The following PLCL1 variants were observed in gnomAD, a reference collection of about 807,000 sequenced individuals.
PLCL1 encodes the protein inactive phospholipase C-like protein 1.
Under a neutral mutation model 84.4 loss-of-function variants are expected in PLCL1, and 41 were observed. That is an observed-to-expected ratio of 0.49 (90% confidence interval 0.38 to 0.63). The LOEUF is 0.63. Ranked by LOEUF, PLCL1 falls within the 30% of genes least tolerant of loss-of-function variation. PLCL1 has a pLI of 0.00. For synonymous variants in PLCL1, 490 were observed against 488.3 expected (o/e 1.00, Z -0.05); for missense variants, 1,206 against 1,367.8 (o/e 0.88, Z 1.87).
intron 1 of PLCL1, among the ~76,000 whole-genome samples, chr2:198,036,808 G>A (rs1312276453): frequency 6.7e-6 from 1 of 148,178 alleles, no homozygotes; most frequent in Non-Finnish European, 1.5e-5. Context: ...ATACTTAACA[G>A]CAAGCAAAGT....
chr2:198,136,542 G>A (rs147013222), intron 5 of PLCL1, among the ~76,000 whole-genome samples: 112 of 151,920 alleles, frequency 7.4e-4, no homozygotes, highest in African/African-American at 2.5e-3. Context: ...AGAGAAATGA[G>A]GAATCCTTAG....
At chr2:198,050,388 G>A (rs1439717614) in intron 1 of PLCL1, among the ~76,000 whole-genome samples, 3 of 151,912 alleles carry the variant, frequency 2.0e-5, no homozygotes, top group African/African-American at 7.3e-5. Context: ...TCCCTCTTAT[G>A]TCTCAGGAGA....
intron 1 of PLCL1, among the ~76,000 whole-genome samples, chr2:197,958,587 A>C (rs947019747): frequency 6.6e-6 from 1 of 152,110 alleles, no homozygotes; most frequent in Non-Finnish European, 1.5e-5. Context: ...AAAATCTTTC[A>C]AGTGGCACAC....
chr2:197,842,914 A>C (rs3851979), intron 1 of PLCL1, among the ~76,000 whole-genome samples: 3 of 152,068 alleles, frequency 2.0e-5, no homozygotes, highest in Non-Finnish European at 2.9e-5. Flanking sequence ...TTTGCTAGGC[A>C]GTAAGGAATA....
chr2:197,988,582 C>T (rs1019978459), intron 1 of PLCL1, among the ~76,000 whole-genome samples: 4 of 152,144 alleles, frequency 2.6e-5, no homozygotes, highest in Non-Finnish European at 5.9e-5. Context: ...AGTAGTATTC[C>T]ATGGTGTATA....
intron 1 of PLCL1, among the ~76,000 whole-genome samples, chr2:197,858,991 T>A (rs1687380432): frequency 6.6e-6 from 1 of 152,118 alleles, no homozygotes; most frequent in South Asian, 2.1e-4. Flanking sequence ...GGCATAGCCT[T>A]TAAAGAGGGA....
At chr2:198,095,819 T>G (rs947098993) in intron 3 of PLCL1, among the ~76,000 whole-genome samples, 25 of 152,228 alleles carry the variant, frequency 1.6e-4, no homozygotes, top group Non-Finnish European at 1.5e-5. Context: ...GCTCCAGCCC[T>G]AATGTTTTAC....
intron 5 of PLCL1, among the ~76,000 whole-genome samples, chr2:198,120,677 A>T (rs1475670546): frequency 6.6e-6 from 1 of 151,894 alleles, no homozygotes; most frequent in African/African-American, 2.4e-5. Context: ...GCTGAATAGT[A>T]CTCCATATGT....
intron 1 of PLCL1, among the ~76,000 whole-genome samples, chr2:197,870,313 C>T (rs1280810908): frequency 1.3e-5 from 2 of 152,138 alleles, no homozygotes; most frequent in Non-Finnish European, 2.9e-5. Flanking sequence ...CACTCAGGTA[C>T]ATGTAGGCTC....
chr2:198,097,241 TCTTTGGACA>T (rs1166619395), intron 3 of PLCL1, among the ~76,000 whole-genome samples: 1 of 152,302 alleles, frequency 6.6e-6, no homozygotes, highest in East Asian at 1.9e-4. Context: ...TACAGCAATG[TCTTTGGACA>T]CATTTTCTGT....
intron 1 of PLCL1, among the ~76,000 whole-genome samples, chr2:198,046,345 A>G (rs1055709079): frequency 1.2e-4 from 18 of 152,228 alleles, no homozygotes; most frequent in Non-Finnish European, 2.5e-4. Context: ...TAACATGTCA[A>G]TATGGAATCA....
In PLCL1 at chr2:197,805,366, G is replaced by T. The variant is rs1019370030; in HGVS notation, c.240+27G>T. 6 of 1,337,172 alleles carry T rather than the reference G, an allele frequency of 4.5e-6. No individual in the cohort carries two copies. Among genetic ancestry groups the T allele is most frequent in the Middle Eastern group, 2.1e-4 (1 of 4,870 alleles). The allele number at this position is 1,337,172 out of a possible 1,614,324, so 82.8% of individuals were successfully genotyped here. On this transcript the variant is annotated intron_variant, in intron 1 of 5. Transcript: ENST00000428675. This position sits in a 1 kb window ranked among gnomAD's most constrained non-coding sequence, Gnocchi z 4.0. ...TAAGCAAAGCCGCGCCGCACCGGGA[G>T]CGTGGCTGTGGGTGATGGGTGGGTC...
intron 1 of PLCL1, among the ~76,000 whole-genome samples, chr2:197,825,323 G>A (rs935632669): frequency 1.3e-5 from 2 of 152,182 alleles, no homozygotes; most frequent in South Asian, 2.1e-4. Context: ...AATGGAGCCA[G>A]TGTTCCTGGA....
Position 197,804,928 on chromosome 2 carries a change from C to T in PLCL1, c.-172C>T. 1 of 644,340 alleles carries T rather than the reference C, an allele frequency of 1.6e-6. No individual in the cohort carries two copies. The highest frequency in any genetic ancestry group is 3.6e-5 in the East Asian group (1 of 28,148). 39.9% of individuals were successfully genotyped at this position (644,340 alleles called of 1,614,324 possible). The stretch of plus-strand genomic sequence containing the variant: ...GGACGTCTCTGCCCGAGCGATGTCC[C>T]CTCTCCAGAAAGTTGCCGCCGCCGC... On this transcript the variant is annotated 5_prime_UTR_variant, in exon 1 of 6. Coordinates refer to ENST00000428675, the MANE Select transcript of PLCL1 (RefSeq NM_006226.4).
chr2:197,956,435 C>T (rs1242918987), intron 1 of PLCL1, among the ~76,000 whole-genome samples: 2 of 152,240 alleles, frequency 1.3e-5, no homozygotes, highest in Admixed American at 6.5e-5. Context: ...GGTATATACC[C>T]AGTAATGGGA....
At chr2:197,983,905 C>T (rs1004553292) in intron 1 of PLCL1, among the ~76,000 whole-genome samples, 1 of 152,168 alleles carries the variant, frequency 6.6e-6, no homozygotes, top group Non-Finnish European at 1.5e-5. Flanking sequence ...CATAACATAG[C>T]ATGGAACCCA....
At chr2:197,948,466 A>G (rs1474840365) in intron 1 of PLCL1, among the ~76,000 whole-genome samples, 1 of 151,866 alleles carries the variant, frequency 6.6e-6, no homozygotes, top group East Asian at 1.9e-4. Context: ...TGGACTTTAT[A>G]TGCATTTTGA....
At chr2:197,902,182 C>A (rs926811543) in intron 1 of PLCL1, among the ~76,000 whole-genome samples, 1 of 152,114 alleles carries the variant, frequency 6.6e-6, no homozygotes, top group Non-Finnish European at 1.5e-5. Flanking sequence ...GCATTACGAC[C>A]CTTTTGTGGG....
intron 1 of PLCL1, among the ~76,000 whole-genome samples, chr2:197,957,954 T>C (rs910018026): frequency 6.6e-6 from 1 of 152,116 alleles, no homozygotes; most frequent in Non-Finnish European, 1.5e-5. Context: ...TAGACTAATT[T>C]TAATCTTGAC....
Sources: gnomAD v4.1 joint callset for allele counts (sites outside exome capture counted in the v4.1 genomes callset) on GRCh38, gnomAD v4.1.1 for gene constraint, Gnocchi (gnomAD v3.1) non-coding constraint, MANE v1.5 for transcripts, NCBI Gene and HGNC (gene_info 2026-07-23, HGNC 2026-07-21) for gene names.